The following DPYD variants were observed in gnomAD, a reference collection of about 807,000 sequenced individuals.
DPYD encodes the protein dihydropyrimidine dehydrogenase [NADP(+)].
Under a neutral mutation model 116.2 loss-of-function variants are expected in DPYD, and 109 were observed. The observed-to-expected ratio is 0.94, with a 90% CI of 0.80 to 1.10. The LOEUF (loss-of-function observed/expected upper bound fraction) is 1.10, where lower values mean the gene tolerates loss of function less well. Ranked by LOEUF, DPYD falls within the 50% of genes least tolerant of loss-of-function variation. DPYD has a pLI of 0.00. For synonymous variants in DPYD, 440 were observed against 432.0 expected (o/e 1.02, Z -0.23); for missense variants, 1,302 against 1,254.5 (o/e 1.04, Z -0.57).
intron 18 of DPYD, among the ~76,000 whole-genome samples, chr1:97,284,440 C>A (rs993901473): frequency 1.3e-5 from 2 of 151,858 alleles, no homozygotes; most frequent in Non-Finnish European, 2.9e-5. Flanking sequence ...ATATTGGATA[C>A]AGTTATATAG....
intron 12 of DPYD, among the ~76,000 whole-genome samples, chr1:97,525,975 A>AAG (rs200142131): frequency 1.2e-5 from 1 of 82,614 alleles, no homozygotes; most frequent in African/African-American, 4.2e-5. Flanking sequence ...CTGGGTAATT[A>AAG]AGAGTGTGTG....
chr1:97,269,809 C>G (rs570030223), intron 18 of DPYD, among the ~76,000 whole-genome samples: 1 of 152,138 alleles, frequency 6.6e-6, no homozygotes, highest in Non-Finnish European at 1.5e-5. Context: ...GGCTTTATCT[C>G]CAAATACAGT....
chr1:97,838,966 G>A (rs1370709103), intron 2 of DPYD, among the ~76,000 whole-genome samples: 2 of 152,196 alleles, frequency 1.3e-5, no homozygotes, highest in Non-Finnish European at 2.9e-5. Context: ...AGGGACTATA[G>A]GAACTAGAAT....
At chr1:97,384,390 A>G (rs1309262761) in intron 14 of DPYD, among the ~76,000 whole-genome samples, 1 of 151,788 alleles carries the variant, frequency 6.6e-6, no homozygotes, top group Non-Finnish European at 1.5e-5. Context: ...TTCTTTCTGG[A>G]TAGACTATAA....
At chr1:97,846,328 G>T (rs538603788) in intron 2 of DPYD, among the ~76,000 whole-genome samples, 2 of 152,280 alleles carry the variant, frequency 1.3e-5, no homozygotes, top group South Asian at 4.1e-4. Flanking sequence ...AAAAAAAACT[G>T]GGAATCTAAT....
intron 21 of DPYD, among the ~76,000 whole-genome samples, chr1:97,089,413 G>A (rs1464841752): frequency 1.3e-5 from 2 of 152,154 alleles, no homozygotes; most frequent in Admixed American, 6.5e-5. Flanking sequence ...GCGAGGAAAC[G>A]AAACTGCCTC....
At chr1:97,433,274 T>A (rs987270098) in intron 14 of DPYD, among the ~76,000 whole-genome samples, 2 of 152,158 alleles carry the variant, frequency 1.3e-5, no homozygotes, top group African/African-American at 4.8e-5. Flanking sequence ...GGTTGACAAT[T>A]CAGTGAAGTC....
At chr1:97,816,370 T>C (rs983599787) in intron 3 of DPYD, among the ~76,000 whole-genome samples, 1 of 152,128 alleles carries the variant, frequency 6.6e-6, no homozygotes, top group Non-Finnish European at 1.5e-5. Flanking sequence ...TTATTAAATA[T>C]GCATTGACTA....
In DPYD at chr1:97,546,644, T is replaced by C. The variant is rs1238398317; in HGVS notation, c.1524+2916A>G. On this transcript the variant is annotated intron_variant, in intron 12 of 22. Coordinates refer to ENST00000370192, the MANE Select transcript of DPYD (RefSeq NM_000110.4). ...AAACAAGAATGGTGGTGGCTTTACA[T>C]TGCAGATAGGAAGGAGCAGACATTA... 65 of 1,612,624 alleles carry C rather than the reference T, an allele frequency of 4.0e-5. No homozygotes were observed. The East Asian group carries it at 1.4e-3, about 36-fold the overall frequency.
chr1:97,872,147 G>A (rs1267479579), intron 2 of DPYD, among the ~76,000 whole-genome samples: 1 of 151,802 alleles, frequency 6.6e-6, no homozygotes, highest in African/African-American at 2.4e-5. Context: ...AGCTCTTTGG[G>A]TTCCACTGCC....
chr1:97,636,719 C>T (rs917749112), intron 8 of DPYD, among the ~76,000 whole-genome samples: 16 of 152,070 alleles, frequency 1.1e-4, no homozygotes, highest in African/African-American at 2.4e-4. Flanking sequence ...TATTTTCTAC[C>T]GAAGAGTCTT....
At chr1:97,891,086 A>T (rs1265253883) in intron 1 of DPYD, among the ~76,000 whole-genome samples, 2 of 152,042 alleles carry the variant, frequency 1.3e-5, no homozygotes, top group Non-Finnish European at 2.9e-5. Flanking sequence ...ATAAAAATAC[A>T]AGACATGAGT....
chr1:97,415,568 C>T (rs1362783301), intron 14 of DPYD, among the ~76,000 whole-genome samples: 1 of 152,156 alleles, frequency 6.6e-6, no homozygotes, highest in East Asian at 1.9e-4. Context: ...GTGATCTGCT[C>T]ACCTTGGTCT....
chr1:97,876,058 G>A (rs1289107797), intron 2 of DPYD, among the ~76,000 whole-genome samples: 4 of 151,838 alleles, frequency 2.6e-5, no homozygotes, highest in Non-Finnish European at 4.4e-5. Flanking sequence ...AAATTAACTT[G>A]GGGATAGGAA....
chr1:97,145,208 C>T (rs994943549), intron 20 of DPYD, among the ~76,000 whole-genome samples: 2 of 151,926 alleles, frequency 1.3e-5, no homozygotes, highest in African/African-American at 4.8e-5. Context: ...TTTTTTTTCT[C>T]CATGTGCAGC....
At chr1:97,476,035 A>T (rs1677944983) in intron 13 of DPYD, among the ~76,000 whole-genome samples, 1 of 152,198 alleles carries the variant, frequency 6.6e-6, no homozygotes, top group Non-Finnish European at 1.5e-5. Flanking sequence ...CTAGCAAGGT[A>T]ACAAAGAGTA....
intron 2 of DPYD, among the ~76,000 whole-genome samples, chr1:97,844,450 T>G (rs1055887135): frequency 4.6e-5 from 7 of 152,092 alleles, no homozygotes; most frequent in African/African-American, 1.4e-4. Context: ...GGGGCTGAAG[T>G]TTGAGTTAAA....
At chr1:97,590,065 C>T (rs1197737455) in intron 10 of DPYD, among the ~76,000 whole-genome samples, 2 of 152,150 alleles carry the variant, frequency 1.3e-5, no homozygotes, top group Non-Finnish European at 2.9e-5. Context: ...CTGTACTCTC[C>T]TGACTTTCCA....
At chr1:97,089,366 T>G (rs558846902) in intron 21 of DPYD, among the ~76,000 whole-genome samples, 1 of 152,162 alleles carries the variant, frequency 6.6e-6, no homozygotes, top group Non-Finnish European at 1.5e-5. Context: ...CTCATTTAAC[T>G]GGGCCAAATG....
Sources: gnomAD v4.1 joint callset for allele counts (sites outside exome capture counted in the v4.1 genomes callset) on GRCh38, gnomAD v4.1.1 for gene constraint, MANE v1.5 for transcripts, NCBI Gene and HGNC (gene_info 2026-07-23, HGNC 2026-07-21) for gene names.